Variants in CTXND1 observed in about 807,000 individuals in gnomAD.
The protein encoded by CTXND1 is cortexin domain-containing 1 protein.
chr15:80,202,227 G>A (rs1893081989), intron 2 of CTXND1, among the ~76,000 whole-genome samples: 2 of 152,142 alleles, frequency 1.3e-5, no homozygotes, highest in African/African-American at 4.8e-5. Context: ...GTCTCTAGCA[G>A]GGTGCAGCCA....
At chr15:80,244,248 A>C (rs1363693052) in intron 1 of CTXND1, among the ~76,000 whole-genome samples, 1 of 152,246 alleles carries the variant, frequency 6.6e-6, no homozygotes, top group Non-Finnish European at 1.5e-5. Flanking sequence ...CTAGCAAGTG[A>C]GATTTAAATG....
chr15:80,229,456 G>A (rs1243348571), intron 1 of CTXND1, among the ~76,000 whole-genome samples: 2 of 152,188 alleles, frequency 1.3e-5, no homozygotes, highest in Non-Finnish European at 2.9e-5. Flanking sequence ...CGTGGTGCTT[G>A]CTGAGTGCTG....
chr15:80,234,202 G>A (rs1444684673), intron 1 of CTXND1, among the ~76,000 whole-genome samples: 1 of 152,198 alleles, frequency 6.6e-6, no homozygotes, highest in Non-Finnish European at 1.5e-5. Flanking sequence ...AAACTTATTG[G>A]GGGAAGGCTT....
At chr15:80,245,987 T>G (rs1893623977) in intron 1 of CTXND1, among the ~76,000 whole-genome samples, 1 of 152,162 alleles carries the variant, frequency 6.6e-6, no homozygotes, top group African/African-American at 2.4e-5. Context: ...GAGACAAAAC[T>G]GGAGGAAATA....
intron 1 of CTXND1, among the ~76,000 whole-genome samples, chr15:80,225,583 G>C (rs1194780186): frequency 6.6e-6 from 1 of 152,074 alleles, no homozygotes; most frequent in Non-Finnish European, 1.5e-5. Context: ...AATTCCTCAA[G>C]TTGGTCTTTT....
intron 1 of CTXND1, among the ~76,000 whole-genome samples, chr15:80,229,419 G>C (rs1893405438): frequency 6.6e-6 from 1 of 152,212 alleles, no homozygotes; most frequent in South Asian, 2.1e-4. Flanking sequence ...TTGGAGCAGG[G>C]CATAGGCCAG....
chr15:80,224,784 C>A (rs111791363), intron 1 of CTXND1, among the ~76,000 whole-genome samples: 3 of 152,160 alleles, frequency 2.0e-5, no homozygotes, highest in African/African-American at 4.8e-5. Context: ...CACTGTGTCA[C>A]CCAGGCTGGA....
intron 1 of CTXND1, among the ~76,000 whole-genome samples, chr15:80,209,220 C>T (rs1247077134): frequency 6.6e-6 from 1 of 152,212 alleles, no homozygotes; most frequent in Non-Finnish European, 1.5e-5. Flanking sequence ...ACCAGATTTG[C>T]TTTTCTGCCT....
chr15:80,214,425 C>T (rs1893231462), intron 1 of CTXND1, among the ~76,000 whole-genome samples: 1 of 151,900 alleles, frequency 6.6e-6, no homozygotes, highest in South Asian at 2.1e-4. Context: ...AGGAGACATC[C>T]ACAAATTTTA....
In CTXND1 at chr15:80,252,026, G is replaced by A. The variant is rs1337198526; in HGVS notation, c.-237C>T. The A allele has an allele frequency of 1.3e-5, 2 of 151,684 alleles. No homozygotes were observed. Among genetic ancestry groups the A allele is most frequent in the African/African-American group, 2.4e-5 (1 of 41,394 alleles). 9.4% of individuals were successfully genotyped at this position (151,684 alleles called of 1,614,324 possible). On this transcript the variant is annotated 5_prime_UTR_variant, in exon 1 of 3. Transcript: ENST00000560778. ...CCTTACCTGGCGAGGCCCGTCCCGT[G>A]CGCTCCCGGGGTCCTGGCTGGGCCG...
intron 1 of CTXND1, among the ~76,000 whole-genome samples, chr15:80,239,639 C>A (rs1482204118): frequency 1.3e-5 from 2 of 152,122 alleles, no homozygotes; most frequent in East Asian, 1.9e-4. Flanking sequence ...TATTGTGGGA[C>A]CTTATGATTG....
rs2041439511 is a variant in CTXND1 at position 80,199,799 on chromosome 15, G to A, written c.*1971C>T. 6.6e-6 allele frequency: 1 copy of A among 152,288 alleles called. No individual in the cohort carries two copies. Among genetic ancestry groups the A allele is most frequent in the Non-Finnish European group, 1.5e-5 (1 of 68,110 alleles). 9.4% of individuals were successfully genotyped at this position (152,288 alleles called of 1,614,324 possible). A position where few individuals can be genotyped will look rare whatever the true frequency, so the allele number is the denominator to read the frequency against. On this transcript the variant is annotated 3_prime_UTR_variant, in exon 3 of 3. Transcript: ENST00000560778. ...TCAGGGGTCACCTAGTAGTGATAGT[G>A]CTTTGGAACCCATTTTCCAGGTGGC... is the stretch of plus-strand genomic sequence containing the variant.
intron 1 of CTXND1, among the ~76,000 whole-genome samples, chr15:80,214,231 T>C (rs956366688): frequency 6.6e-6 from 1 of 152,114 alleles, no homozygotes; most frequent in Non-Finnish European, 1.5e-5. Flanking sequence ...ATTTTAATAT[T>C]GATAGAAAAG....
intron 1 of CTXND1, among the ~76,000 whole-genome samples, chr15:80,226,440 C>T (rs1005296717): frequency 2.0e-5 from 3 of 152,172 alleles, no homozygotes; most frequent in Non-Finnish European, 4.4e-5. Context: ...GTAACGGCCC[C>T]AAGTTGTCCC....
At chr15:80,236,628 C>G (rs925613228) in intron 1 of CTXND1, among the ~76,000 whole-genome samples, 1 of 152,040 alleles carries the variant, frequency 6.6e-6, no homozygotes, top group African/African-American at 2.4e-5. Context: ...ACTAAACATA[C>G]AAATATTAGC....
At chr15:80,210,584 G>A (rs1054500560) in intron 1 of CTXND1, among the ~76,000 whole-genome samples, 1 of 152,164 alleles carries the variant, frequency 6.6e-6, no homozygotes, top group South Asian at 2.1e-4. Context: ...TATAGTGTGC[G>A]GAGCTTTGTT....
intron 1 of CTXND1, among the ~76,000 whole-genome samples, chr15:80,235,699 C>T (rs1299180166): frequency 6.6e-6 from 1 of 151,788 alleles, no homozygotes; most frequent in Admixed American, 6.6e-5. Flanking sequence ...TAGTTATGAC[C>T]CAGAACCAAC....
intron 1 of CTXND1, among the ~76,000 whole-genome samples, chr15:80,204,146 C>CAAAA (rs1173053524): frequency 0.046 from 98 of 2,146 alleles, 37 homozygotes; most frequent in South Asian, 0.14. Context: ...GACTGTGTCT[C>CAAAA]AAAAAAAAAA....
chr15:80,196,111 C>T lies in CTXND1; in HGVS notation c.*5659G>A, dbSNP rs139968487. 1.5e-4 allele frequency: 23 copies of T among 152,292 alleles called. No homozygotes were observed. The highest frequency in any genetic ancestry group is 5.3e-4 in the African/African-American group (22 of 41,564). The allele number at this position is 152,292 out of a possible 1,614,324, so 9.4% of individuals were successfully genotyped here. A position where few individuals can be genotyped will look rare whatever the true frequency, so the allele number is the denominator to read the frequency against. ...AGGGCACTTGGTACTCCCTGTATCC[C>T]TTGTCCTCATTCTGTAAGCCTGAGG... On this transcript the variant is annotated 3_prime_UTR_variant, in exon 3 of 3. Coordinates refer to ENST00000560778, the MANE Select transcript of CTXND1 (RefSeq NM_001352888.2).
Sources: gnomAD v4.1 joint callset for allele counts (sites outside exome capture counted in the v4.1 genomes callset) on GRCh38, gnomAD v4.1.1 for gene constraint, MANE v1.5 for transcripts, NCBI Gene and HGNC (gene_info 2026-07-23, HGNC 2026-07-21) for gene names.